Variants in ZCCHC7 observed in about 807,000 individuals in gnomAD.
ZCCHC7 encodes the protein zinc finger CCHC domain-containing protein 7.
In ZCCHC7, 35 loss-of-function variants were observed where a neutral mutation model predicts 52.0. The observed-to-expected ratio is 0.67, with a 90% CI of 0.51 to 0.89. The LOEUF (loss-of-function observed/expected upper bound fraction) is 0.89. ZCCHC7 is among the 40% of genes least tolerant of loss of function. The probability of loss-of-function intolerance (pLI) is 0.00; values close to 1 mark genes in which losing one functional copy is unlikely to be tolerated. For missense variants in ZCCHC7, 574 were observed against 649.1 expected (o/e 0.88, Z 1.26); for synonymous variants, 217 against 221.5 (o/e 0.98, Z 0.18).
At chr9:37,233,999 G>T (rs536704911) in intron 2 of ZCCHC7, among the ~76,000 whole-genome samples, 1 of 151,976 alleles carries the variant, frequency 6.6e-6, no homozygotes, top group South Asian at 2.1e-4. Context: ...GACTACAGGC[G>T]CCTGCCACCA....
rs956184903 is a variant in ZCCHC7 at position 37,126,870 on chromosome 9, G to A, written c.538G>A (p.Gly180Arg). 9.9e-6 allele frequency: 16 copies of A among 1,614,016 alleles called. No individual in the cohort carries two copies. The highest frequency in any genetic ancestry group is 1.3e-5 in the Non-Finnish European group (15 of 1,180,020). ...GDNVESWMLL[G>R]CEVDDKDDDI... ...TAATGTGGAAAGCTGGATGCTACTG[G>A]GATGTGAAGTAGATGATAAAGATGA... Residue 180 changes from glycine to arginine, a missense_variant, in exon 2 of 9, where the codon GGA becomes AGA. By Grantham distance (125) the Gly-to-Arg change is moderately radical (BLOSUM62 -2). This residue lies in a region of ZCCHC7 where 403 missense variants were observed against 461.2 expected (regional missense o/e 0.87). Coordinates refer to ENST00000336755, the MANE Select transcript of ZCCHC7 (RefSeq NM_032226.3).
intron 2 of ZCCHC7, among the ~76,000 whole-genome samples, chr9:37,230,381 G>A (rs1002378739): frequency 1.1e-4 from 17 of 152,118 alleles, no homozygotes; most frequent in African/African-American, 4.1e-4. Context: ...TAGGTGATAG[G>A]AATTTTATGG....
In ZCCHC7 at chr9:37,305,616, T is replaced by C. The variant is rs148725765; in HGVS notation, c.853T>C (p.Tyr285His). The change falls in exon 5 of 9, where the codon TAC (tyrosine) becomes CAC (histidine). Residue 285 changes from tyrosine (Y) to histidine (H), a missense_variant. Tyr to His is a moderately conservative substitution (Grantham distance 83, BLOSUM62 2). This residue lies in a region of ZCCHC7 where 403 missense variants were observed against 461.2 expected (regional missense o/e 0.87). Coordinates refer to ENST00000336755, the MANE Select transcript of ZCCHC7 (RefSeq NM_032226.3). ...TTCCTGTCCAGCCCCCCTTTGCGAA[T>C]ACTGTCCTGTGCCTAAGATGTTGGA... is the stretch of plus-strand genomic sequence containing the variant. Reference protein sequence around the residue: ...LYSCPAPLCEYCPVPKMLDHS... With the variant: ...LYSCPAPLCEHCPVPKMLDHS... 4.7e-5 allele frequency: 76 copies of C among 1,614,186 alleles called. No individual in the cohort carries two copies. In the African/African-American group the frequency reaches 9.9e-4, roughly 21 times the overall value.
chr9:37,185,248 G>C (rs567666777), intron 2 of ZCCHC7, among the ~76,000 whole-genome samples: 30 of 152,160 alleles, frequency 2.0e-4, no homozygotes, highest in African/African-American at 7.2e-4. Context: ...ACATACTATA[G>C]GTGATCACCT....
At chr9:37,133,761 G>A (rs1412717934) in intron 2 of ZCCHC7, among the ~76,000 whole-genome samples, 16 of 152,030 alleles carry the variant, frequency 1.1e-4, no homozygotes, top group Admixed American at 1.0e-3. Flanking sequence ...GCTAATTTTT[G>A]TATTTTTAGT....
chr9:37,183,386 G>A (rs1057119564), intron 2 of ZCCHC7, among the ~76,000 whole-genome samples: 2 of 152,156 alleles, frequency 1.3e-5, no homozygotes, highest in Non-Finnish European at 1.5e-5. Context: ...ACAGAATTGT[G>A]TGCTTTATTA....
At chr9:37,128,084 A>G (rs890822224) in intron 2 of ZCCHC7, among the ~76,000 whole-genome samples, 4 of 152,216 alleles carry the variant, frequency 2.6e-5, no homozygotes, top group East Asian at 1.9e-4. Flanking sequence ...AGTTTTTTCC[A>G]TATAGGTGAG....
At chr9:37,158,514 A>C (rs1820931025) in intron 2 of ZCCHC7, among the ~76,000 whole-genome samples, 1 of 152,204 alleles carries the variant, frequency 6.6e-6, no homozygotes, top group Non-Finnish European at 1.5e-5. Context: ...CATGAAGGGG[A>C]GTAATTGTGT....
At chr9:37,235,303 A>G (rs888263594) in intron 2 of ZCCHC7, among the ~76,000 whole-genome samples, 3 of 152,184 alleles carry the variant, frequency 2.0e-5, no homozygotes, top group Non-Finnish European at 4.4e-5. Flanking sequence ...TACCCTGTAC[A>G]TCTGTGAGAG....
intron 2 of ZCCHC7, among the ~76,000 whole-genome samples, chr9:37,244,313 T>G (rs1385891681): frequency 6.6e-6 from 1 of 151,640 alleles, no homozygotes; most frequent in Non-Finnish European, 1.5e-5. Context: ...AATAGAAACA[T>G]TTTTTATTTT....
chr9:37,155,950 T>C (rs932574661), intron 2 of ZCCHC7, among the ~76,000 whole-genome samples: 12 of 152,232 alleles, frequency 7.9e-5, no homozygotes, highest in Admixed American at 7.9e-4. Flanking sequence ...TCCTGACCTG[T>C]CAAGGATATC....
chr9:37,319,953 T>C (rs1037063384), intron 5 of ZCCHC7, among the ~76,000 whole-genome samples: 3 of 152,264 alleles, frequency 2.0e-5, no homozygotes, highest in African/African-American at 7.2e-5. Context: ...TTTACATGGA[T>C]TGATTCCTGT....
At chr9:37,259,441 A>G (rs1826759106) in intron 2 of ZCCHC7, among the ~76,000 whole-genome samples, 1 of 152,150 alleles carries the variant, frequency 6.6e-6, no homozygotes, top group African/African-American at 2.4e-5. Flanking sequence ...TTTTTAATTT[A>G]TATAATTGGA....
At chr9:37,352,540 C>T (rs13301306) in intron 7 of ZCCHC7, among the ~76,000 whole-genome samples, 21,124 of 93,054 alleles carry the variant, frequency 0.23, 2,239 homozygotes, top group Middle Eastern at 0.4. Flanking sequence ...TTTTTTGAGA[C>T]AGAGTTTCGC....
chr9:37,227,855 G>T (rs1478660401), intron 2 of ZCCHC7, among the ~76,000 whole-genome samples: 1 of 151,970 alleles, frequency 6.6e-6, no homozygotes, highest in African/African-American at 2.4e-5. Context: ...CAGGCTGAGT[G>T]CAGTGGGGCA....
At position 37,309,870 on chromosome 9, in the gene ZCCHC7, C is replaced by T. The variant is rs147998474; in HGVS notation, c.951+4156C>T. 2.5e-3 allele frequency among the ~76,000 whole-genome samples: 369 copies of T among 149,410 alleles called. 2 individuals are homozygous for T. The highest frequency in any genetic ancestry group is 8.7e-3 in the African/African-American group (351 of 40,446). On this transcript the variant is annotated intron_variant, in intron 5 of 8. Transcript: ENST00000336755. ...CCAGGACGCAGAGGTTTCAGTGAGC[C>T]GAGATTGCACCACTGAACTCCAGCC... is the stretch of plus-strand genomic sequence containing the variant.
intron 2 of ZCCHC7, among the ~76,000 whole-genome samples, chr9:37,257,734 T>C (rs1826658799): frequency 6.6e-6 from 1 of 152,096 alleles, no homozygotes; most frequent in South Asian, 2.1e-4. Context: ...ATCCTGAGAC[T>C]TAAAAATTTG....
At chr9:37,153,226 A>G (rs1003769403) in intron 2 of ZCCHC7, among the ~76,000 whole-genome samples, 3 of 151,978 alleles carry the variant, frequency 2.0e-5, no homozygotes, top group Non-Finnish European at 4.4e-5. Flanking sequence ...GCTGGAGTGC[A>G]CTGGTGTGAT....
Position 37,294,853 on chromosome 9 carries a change from A to G in ZCCHC7, c.611-7335A>G, listed in dbSNP as rs779329472. Among the ~76,000 whole-genome samples, 4 of 152,308 alleles carry G rather than the reference A, an allele frequency of 2.6e-5. No homozygotes were observed. The East Asian group carries it at 5.8e-4, about 22-fold the overall frequency. ...AGAGGGAAATAAAATATTTATTGAC[A>G]TAGCCCTTAATACAGAGTTTAAAAG... On this transcript the variant is annotated intron_variant, in intron 2 of 8. Transcript: ENST00000336755.
Sources: allele counts gnomAD v4.1 joint callset (sites outside exome capture counted in the v4.1 genomes callset), GRCh38; gene constraint gnomAD v4.1.1; regional missense constraint gnomAD v4.1.1; transcripts MANE v1.5; gene names NCBI Gene and HGNC (gene_info 2026-07-23, HGNC 2026-07-21).